Variants in NLK observed in about 807,000 individuals in gnomAD.
The protein encoded by NLK is serine/threonine-protein kinase NLK.
A neutral mutation model predicts 59.0 loss-of-function variants in NLK; 11 were observed. The ratio of observed to expected loss-of-function variants is 0.19; its 90% CI spans 0.12 to 0.31. The LOEUF (loss-of-function observed/expected upper bound fraction) is 0.31. Among genes scored for constraint, NLK ranks in the 10% least tolerant of loss-of-function variants. The probability of loss-of-function intolerance (pLI) is 1.00; values close to 1 mark genes in which losing one functional copy is unlikely to be tolerated. For missense variants in NLK, 410 were observed against 661.1 expected, an observed-to-expected ratio of 0.62 and a Z score of 4.16; for synonymous variants, 235 against 235.9, an observed-to-expected ratio of 1.00 and a Z score of 0.03.
chr17:28,112,669 T>C (rs1167964684), intron 1 of NLK, among the ~76,000 whole-genome samples: 1 of 152,110 alleles, frequency 6.6e-6, no homozygotes, highest in Non-Finnish European at 1.5e-5. Flanking sequence ...TTTGTAATAT[T>C]TTTGGGTTTG....
At chr17:28,053,724 A>G (rs1393287485) in intron 1 of NLK, among the ~76,000 whole-genome samples, 1 of 152,244 alleles carries the variant, frequency 6.6e-6, no homozygotes, top group African/African-American at 2.4e-5. Flanking sequence ...CATTTGACCC[A>G]GATTGCAGCT....
intron 1 of NLK, among the ~76,000 whole-genome samples, chr17:28,110,012 A>G (rs954581617): frequency 1.3e-5 from 2 of 152,240 alleles, no homozygotes; most frequent in Non-Finnish European, 2.9e-5. Context: ...GAGAATTGTC[A>G]TCTTAACACC....
intron 1 of NLK, among the ~76,000 whole-genome samples, chr17:28,052,701 T>C (rs926817154): frequency 6.6e-6 from 1 of 152,212 alleles, no homozygotes; most frequent in Non-Finnish European, 1.5e-5. Context: ...ATCCAAAATA[T>C]TGTCATTTCA....
rs925602782 is a variant in NLK, at chr17:28,044,363, C to G, written c.458+1032C>G. 2.2e-4 allele frequency among the ~76,000 whole-genome samples: 33 copies of G among 152,096 alleles called. 1 individual carries two copies. Reference sequence around the variant, plus strand: ...GAAAATGAACTCTTTGGAACTAGCCCGGTAAATATCTCCTTTCGTCATTGT... The same window carrying G: ...GAAAATGAACTCTTTGGAACTAGCCGGGTAAATATCTCCTTTCGTCATTGT... On this transcript the variant is annotated intron_variant, in intron 1 of 10. Coordinates refer to ENST00000407008, the MANE Select transcript of NLK (RefSeq NM_016231.5).
chr17:28,114,044 A>C (rs1458391688), intron 1 of NLK, among the ~76,000 whole-genome samples: 1 of 152,132 alleles, frequency 6.6e-6, no homozygotes, highest in South Asian at 2.1e-4. Context: ...AGATTTATCT[A>C]TGTTGTTGCA....
intron 1 of NLK, among the ~76,000 whole-genome samples, chr17:28,106,665 C>T (rs1305490669): frequency 2.6e-5 from 4 of 152,096 alleles, no homozygotes; most frequent in Admixed American, 6.6e-5. Context: ...ATACTTTTGA[C>T]GTAAATTTTA....
chr17:28,069,345 T>G (rs1190738745), intron 1 of NLK, among the ~76,000 whole-genome samples: 11 of 152,248 alleles, frequency 7.2e-5, no homozygotes, highest in Non-Finnish European at 1.6e-4. Context: ...AGTTTTAGAC[T>G]ATTCTTACAT....
chr17:28,173,411 C>T (rs1232315079), intron 7 of NLK, among the ~76,000 whole-genome samples: 1 of 152,108 alleles, frequency 6.6e-6, no homozygotes, highest in African/African-American at 2.4e-5. Flanking sequence ...TGACACTCCT[C>T]CTCTCAAACT....
At chr17:28,106,498 T>C (rs1003690141) in intron 1 of NLK, among the ~76,000 whole-genome samples, 3 of 152,178 alleles carry the variant, frequency 2.0e-5, no homozygotes, top group Admixed American at 6.5e-5. Context: ...GAATAAGAGA[T>C]AATATCTCAC....
chr17:28,203,453 A>T, the NLK span, among the ~76,000 whole-genome samples: 1 of 152,174 alleles, frequency 6.6e-6, no homozygotes, highest in African/African-American at 2.4e-5. Context: ...GAAAAGAAAA[A>T]TTGAGTTCCT....
At chr17:28,154,862 C>T (rs1203271482) in intron 3 of NLK, among the ~76,000 whole-genome samples, 2 of 151,946 alleles carry the variant, frequency 1.3e-5, no homozygotes, top group African/African-American at 2.4e-5. Flanking sequence ...GGCGAAACCC[C>T]ATCTACTAAC....
intron 8 of NLK, among the ~76,000 whole-genome samples, chr17:28,190,373 A>G (rs1310959281): frequency 2.0e-5 from 3 of 152,188 alleles, no homozygotes; most frequent in African/African-American, 7.2e-5. Context: ...CAGTCCCAGC[A>G]CTTCAGGAGG....
At chr17:28,117,754 C>G (rs966761264) in intron 1 of NLK, among the ~76,000 whole-genome samples, 3 of 152,096 alleles carry the variant, frequency 2.0e-5, no homozygotes, top group African/African-American at 7.2e-5. Context: ...CTTATGCATA[C>G]AGCTAACCCG....
At chr17:28,147,426 A>C (rs1212356899) in intron 3 of NLK, among the ~76,000 whole-genome samples, 4 of 152,212 alleles carry the variant, frequency 2.6e-5, no homozygotes, top group Non-Finnish European at 5.9e-5. Flanking sequence ...GAGGCTGATT[A>C]TTATGCATTC....
At chr17:28,172,076 G>A (rs1031498513) in intron 6 of NLK, among the ~76,000 whole-genome samples, 4 of 150,572 alleles carry the variant, frequency 2.7e-5, no homozygotes, top group Non-Finnish European at 4.4e-5. Context: ...AATAGGAATA[G>A]GATAGATAGG....
At position 28,129,517 on chromosome 17, in the gene NLK, T is replaced by G. The variant is rs543431884; in HGVS notation, c.589-3103T>G. On this transcript the variant is annotated intron_variant, in intron 2 of 10. Coordinates refer to ENST00000407008, the MANE Select transcript of NLK (RefSeq NM_016231.5). ...CCTGGGTGGTATTTACATAGAAATATGTGTGTATATAAAAATGGATCAAGT... is the reference window on the plus strand; with the variant it reads ...CCTGGGTGGTATTTACATAGAAATAGGTGTGTATATAAAAATGGATCAAGT... Among the ~76,000 whole-genome samples the G allele has an allele frequency of 4.6e-5, 7 of 152,216 alleles. No individual in the cohort carries two copies. In the East Asian group the frequency reaches 1.2e-3, roughly 25 times the overall value.
intron 3 of NLK, among the ~76,000 whole-genome samples, chr17:28,157,406 G>T (rs370931605): frequency 6.6e-6 from 1 of 151,990 alleles, no homozygotes; most frequent in Non-Finnish European, 1.5e-5. Context: ...GGCCAGGCTC[G>T]TCTCAAACTT....
At chr17:28,142,253 C>T (rs1180963139) in intron 3 of NLK, among the ~76,000 whole-genome samples, 1 of 151,970 alleles carries the variant, frequency 6.6e-6, no homozygotes, top group East Asian at 1.9e-4. Flanking sequence ...TTTTAAATTA[C>T]AACTGAGGTA....
At chr17:28,102,591 G>C (rs2142792063) in intron 1 of NLK, among the ~76,000 whole-genome samples, 1 of 150,498 alleles carries the variant, frequency 6.6e-6, no homozygotes. Context: ...AGATGTTGCA[G>C]TGAGCCGAGA....
Sources: gnomAD v4.1 joint callset for allele counts (sites outside exome capture counted in the v4.1 genomes callset) on GRCh38, gnomAD v4.1.1 for gene constraint, MANE v1.5 for transcripts, NCBI Gene and HGNC (gene_info 2026-07-23, HGNC 2026-07-21) for gene names.